The following SPMAP2 variants were observed in gnomAD, a reference collection of about 807,000 sequenced individuals.
The protein encoded by SPMAP2 is sperm microtubule associated protein 2.
the SPMAP2 span, among the ~76,000 whole-genome samples, chr19:375,094 T>C: frequency 6.6e-6 from 1 of 152,092 alleles, no homozygotes; most frequent in Middle Eastern, 3.2e-3. Context: ...GGGACCACGC[T>C]GCAGGGAGGA....
At chr19:364,697 T>C in the SPMAP2 span, among the ~76,000 whole-genome samples, 1 of 151,606 alleles carries the variant, frequency 6.6e-6, no homozygotes, top group African/African-American at 2.4e-5. Flanking sequence ...CTGGCTGGGG[T>C]CATGTCTTGC....
At chr19:374,850 G>A in the SPMAP2 span, among the ~76,000 whole-genome samples, 3 of 152,250 alleles carry the variant, frequency 2.0e-5, no homozygotes, top group Non-Finnish European at 4.4e-5. Context: ...CACAGACTGT[G>A]GGAGGGAAAC....
chr19:372,677 G>A, the SPMAP2 span: 3 of 1,613,954 alleles, frequency 1.9e-6, no homozygotes, highest in Non-Finnish European at 2.5e-6. Context: ...GGCCGAGACA[G>A]TTCCTCCACG....
the SPMAP2 span, chr19:366,982 G>T: frequency 6.9e-7 from 1 of 1,444,874 alleles, no homozygotes; most frequent in Non-Finnish European, 9.3e-7. Context: ...GCTTCCCTCT[G>T]CCCGCTCTAG....
At chr19:375,716 A>G in the SPMAP2 span, 5 of 1,606,770 alleles carry the variant, frequency 3.1e-6, no homozygotes, top group East Asian at 6.7e-5. Flanking sequence ...TCTCCAACTC[A>G]GAAAGTGCCT....
At chr19:368,953 T>C in the SPMAP2 span, among the ~76,000 whole-genome samples, 1,350 of 152,198 alleles carry the variant, frequency 8.9e-3, 41 homozygotes, top group East Asian at 0.088. This position sits in a 1 kb window ranked among gnomAD's most constrained non-coding sequence, Gnocchi z 4.1. Flanking sequence ...CCAAACCAAC[T>C]GCAGAAAGCC....
the SPMAP2 span, among the ~76,000 whole-genome samples, chr19:364,659 G>C: frequency 6.6e-6 from 1 of 152,140 alleles, no homozygotes. Flanking sequence ...GGTGGTAAGT[G>C]GGTCGGGGCA....
chr19:364,071 T>C, the SPMAP2 span, among the ~76,000 whole-genome samples: 99,437 of 151,124 alleles, frequency 0.66, 33,489 homozygotes, highest in Middle Eastern at 0.8. Context: ...CGGTGGCTCA[T>C]GCCTGTAATC....
At chr19:367,579 T>G in the SPMAP2 span, among the ~76,000 whole-genome samples, 1 of 152,198 alleles carries the variant, frequency 6.6e-6, no homozygotes, top group Non-Finnish European at 1.5e-5. Context: ...AAGTCTGACA[T>G]GATCAAGCCC....
At chr19:367,771 C>T in the SPMAP2 span, among the ~76,000 whole-genome samples, 1 of 152,180 alleles carries the variant, frequency 6.6e-6, no homozygotes, top group Non-Finnish European at 1.5e-5. Flanking sequence ...AGTTACCACA[C>T]ACACACCCCG....
chr19:369,044 A>G, the SPMAP2 span, among the ~76,000 whole-genome samples: 1 of 152,352 alleles, frequency 6.6e-6, no homozygotes, highest in Non-Finnish European at 1.5e-5. Context: ...TAGTGTGATC[A>G]GTGTTACTGG....
chr19:372,655 T>G, the SPMAP2 span: 1 of 1,614,056 alleles, frequency 6.2e-7, no homozygotes, highest in Non-Finnish European at 8.5e-7. Context: ...ATATTCCAGG[T>G]AGAATCTCTT....
At chr19:367,044 T>G in the SPMAP2 span, 1 of 1,612,418 alleles carries the variant, frequency 6.2e-7, no homozygotes, top group East Asian at 2.2e-5. Flanking sequence ...AGGAAATGCC[T>G]AGCCTGAGGC....
At chr19:364,108 C>T in the SPMAP2 span, among the ~76,000 whole-genome samples, 1,342 of 151,028 alleles carry the variant, frequency 8.9e-3, 24 homozygotes, top group African/African-American at 0.029. Flanking sequence ...CCGAGGCGGG[C>T]GGATCACAAG....
the SPMAP2 span, among the ~76,000 whole-genome samples, chr19:371,535 G>A: frequency 6.6e-6 from 1 of 152,150 alleles, no homozygotes; most frequent in Non-Finnish European, 1.5e-5. Flanking sequence ...ACAGGGATTC[G>A]TAAAGAATTT....
At chr19:367,289 C>G in the SPMAP2 span, 5 of 1,453,748 alleles carry the variant, frequency 3.4e-6, no homozygotes, top group Non-Finnish European at 4.6e-6. Context: ...GGCCCTGGAG[C>G]TGAAGGACCC....
chr19:362,186 T>C, the SPMAP2 span: 1 of 1,463,052 alleles, frequency 6.8e-7, no homozygotes, highest in Non-Finnish European at 9.1e-7. Flanking sequence ...GGGTGTTTAC[T>C]GGGAGCGGAG....
the SPMAP2 span, among the ~76,000 whole-genome samples, chr19:366,696 C>T: frequency 9.9e-5 from 15 of 152,280 alleles, no homozygotes; most frequent in East Asian, 2.5e-3. Flanking sequence ...GAAGAGTAAA[C>T]CTAAATGGCC....
the SPMAP2 span, among the ~76,000 whole-genome samples, chr19:371,891 G>T: frequency 6.6e-6 from 1 of 152,256 alleles, no homozygotes; most frequent in Admixed American, 6.5e-5. Flanking sequence ...AGGTTAGGAT[G>T]CAGCTTACGA....
Sources: gnomAD v4.1 joint callset for allele counts (sites outside exome capture counted in the v4.1 genomes callset) on GRCh38, gnomAD v4.1.1 for gene constraint, Gnocchi (gnomAD v3.1) non-coding constraint, MANE v1.5 for transcripts, NCBI Gene and HGNC (gene_info 2026-07-23, HGNC 2026-07-21) for gene names.